PKIA: variants seen among roughly 807,000 people sequenced by gnomAD.
The protein encoded by PKIA is cAMP-dependent protein kinase inhibitor alpha, also known as PKI-alpha.
Under a neutral mutation model 7.6 loss-of-function variants are expected in PKIA, and 4 were observed. That is an observed-to-expected ratio of 0.52 (90% CI 0.26 to 1.20). The LOEUF (loss-of-function observed/expected upper bound fraction) is 1.20, where lower values mean the gene tolerates loss of function less well. Ranked by LOEUF, PKIA falls within the 50% of genes most tolerant of loss-of-function variation. The pLI is 0.13. For missense variants in PKIA, 73 were observed against 86.2 expected, an observed-to-expected ratio of 0.85 and a Z score of 0.61; for synonymous variants, 21 against 30.7, an observed-to-expected ratio of 0.68 and a Z score of 1.04.
chr8:78,561,067 T>C (rs142612918), intron 1 of PKIA, among the ~76,000 whole-genome samples: 5,535 of 152,232 alleles, frequency 0.036, 152 homozygotes, highest in South Asian at 0.07. Context: ...TCAGTACAAA[T>C]CTCACTAAAT....
intron 1 of PKIA, among the ~76,000 whole-genome samples, chr8:78,526,116 T>C (rs1809539484): frequency 6.6e-6 from 1 of 152,064 alleles, no homozygotes; most frequent in African/African-American, 2.4e-5. Context: ...CTACATCTTT[T>C]CCCAAATGTT....
At chr8:78,543,857 C>T (rs920365877) in intron 1 of PKIA, among the ~76,000 whole-genome samples, 1 of 152,058 alleles carries the variant, frequency 6.6e-6, no homozygotes, top group East Asian at 1.9e-4. Context: ...GAGTATACTC[C>T]GTATCCTGGC....
chr8:78,568,173 T>C (rs1174367156), intron 1 of PKIA, among the ~76,000 whole-genome samples: 1 of 152,176 alleles, frequency 6.6e-6, no homozygotes, highest in Non-Finnish European at 1.5e-5. Context: ...ATCTATAATT[T>C]TTTATGTATG....
intron 1 of PKIA, among the ~76,000 whole-genome samples, chr8:78,520,666 T>C (rs910105202): frequency 6.6e-6 from 1 of 152,190 alleles, no homozygotes; most frequent in Non-Finnish European, 1.5e-5. Flanking sequence ...GTGATTAATC[T>C]TTCCAGTGCT....
chr8:78,573,381 T>C (rs1807600029), intron 2 of PKIA, among the ~76,000 whole-genome samples: 1 of 151,994 alleles, frequency 6.6e-6, no homozygotes. Flanking sequence ...TTGGTTCCTA[T>C]GGGGCACTTC....
At chr8:78,577,871 TA>T (rs1807713084) in intron 2 of PKIA, among the ~76,000 whole-genome samples, 1 of 152,024 alleles carries the variant, frequency 6.6e-6, no homozygotes, top group African/African-American at 2.4e-5. Context: ...TAAACATGTA[TA>T]AATAAAGTTT....
intron 1 of PKIA, among the ~76,000 whole-genome samples, chr8:78,529,675 T>C (rs1806347002): frequency 6.6e-6 from 1 of 152,030 alleles, no homozygotes; most frequent in African/African-American, 2.4e-5. Flanking sequence ...ACTTTATTCA[T>C]TTACATAACA....
At position 78,598,376 on chromosome 8, in the gene PKIA, T is replaced by C; in HGVS notation, c.-9T>C. The C allele has an allele frequency of 6.2e-7, 1 of 1,605,452 alleles. No individual in the cohort carries two copies. The highest frequency in any genetic ancestry group is 8.5e-7 in the Non-Finnish European group (1 of 1,174,028). On this transcript the variant is annotated 5_prime_UTR_variant, in exon 3 of 4. Transcript: ENST00000396418. ...TTTGTAGTCCCTGCTATGTGGATATTTGGTAGCAATGACTGATGTGGAAAC... is the reference window on the plus strand; with the variant it reads ...TTTGTAGTCCCTGCTATGTGGATATCTGGTAGCAATGACTGATGTGGAAAC...
intron 2 of PKIA, chr8:78,591,387 A>C (rs1317184285): frequency 6.6e-6 from 1 of 152,632 alleles, no homozygotes; most frequent in Admixed American, 6.5e-5. Flanking sequence ...GTGTGTATGG[A>C]ATTTTAAAAA....
At chr8:78,572,015 G>C (rs1454221774) in intron 1 of PKIA, among the ~76,000 whole-genome samples, 1 of 151,768 alleles carries the variant, frequency 6.6e-6, no homozygotes, top group African/African-American at 2.4e-5. Context: ...TGATAGTATA[G>C]AATTTGTGAA....
chr8:78,523,916 A>G (rs977014546), intron 1 of PKIA, among the ~76,000 whole-genome samples: 6 of 141,678 alleles, frequency 4.2e-5, no homozygotes, highest in Non-Finnish European at 7.6e-5. Flanking sequence ...ATACATATAT[A>G]TTTATATATA....
chr8:78,524,314 C>G (rs1809501533), intron 1 of PKIA, among the ~76,000 whole-genome samples: 1 of 149,230 alleles, frequency 6.7e-6, no homozygotes. Context: ...AGAAATGATT[C>G]ATTCTGAAAA....
At chr8:78,543,401 A>G (rs1243105799) in intron 1 of PKIA, among the ~76,000 whole-genome samples, 1 of 152,202 alleles carries the variant, frequency 6.6e-6, no homozygotes, top group African/African-American at 2.4e-5. Flanking sequence ...TCACCAGGCT[A>G]ACAGATACCT....
At chr8:78,570,150 A>C (rs1402067) in intron 1 of PKIA, among the ~76,000 whole-genome samples, 38,088 of 152,058 alleles carry the variant, frequency 0.25, 5,600 homozygotes, top group African/African-American at 0.41. Context: ...GTTCCCCAAA[A>C]TGGCAAAAGA....
intron 1 of PKIA, among the ~76,000 whole-genome samples, chr8:78,536,447 CT>C (rs1357294262): frequency 6.6e-6 from 1 of 151,974 alleles, no homozygotes; most frequent in Non-Finnish European, 1.5e-5. Flanking sequence ...GCACAAATTT[CT>C]TTGAAAGAAA....
chr8:78,540,856 C>T (rs1806669442), intron 1 of PKIA, among the ~76,000 whole-genome samples: 2 of 151,516 alleles, frequency 1.3e-5, no homozygotes, highest in Admixed American at 1.3e-4. Flanking sequence ...AGTTTTCTTC[C>T]CAAAGGAGGC....
Position 78,524,082 on chromosome 8 carries a change from A to ATGT in PKIA, c.-157+7614_-157+7615insTGT, listed in dbSNP as rs1554578592. 7.2e-5 allele frequency among the ~76,000 whole-genome samples: 8 copies of ATGT among 111,502 alleles called. 3 individuals carry two copies. Among genetic ancestry groups the ATGT allele is most frequent in the Non-Finnish European group, 1.3e-4 (8 of 60,046 alleles). The allele number at this position is 111,502 out of a possible 152,430, so 73.1% of individuals were successfully genotyped here. The stretch of plus-strand genomic sequence containing the variant: ...AACATTTATATTTATATATAAATAT[A>ATGT]AATAAACATTTATATTTATATATAA... On this transcript the variant is annotated intron_variant, in intron 1 of 3. Transcript: ENST00000396418.
chr8:78,561,191 G>A (rs1283600555), intron 1 of PKIA, among the ~76,000 whole-genome samples: 8 of 152,156 alleles, frequency 5.3e-5, no homozygotes, highest in South Asian at 2.1e-4. Flanking sequence ...ATACATATAA[G>A]AAACTATTTT....
At chr8:78,547,333 G>A (rs1011471071) in intron 1 of PKIA, among the ~76,000 whole-genome samples, 1 of 152,008 alleles carries the variant, frequency 6.6e-6, no homozygotes, top group Non-Finnish European at 1.5e-5. Flanking sequence ...TTGATCTCTT[G>A]ACCTCGTGAT....
Sources: allele counts gnomAD v4.1 joint callset (sites outside exome capture counted in the v4.1 genomes callset), GRCh38; gene constraint gnomAD v4.1.1; transcripts MANE v1.5; gene names NCBI Gene and HGNC (gene_info 2026-07-23, HGNC 2026-07-21).